The following LAMA5 variants were observed in gnomAD, a reference collection of about 807,000 sequenced individuals.
LAMA5 encodes the protein laminin subunit alpha 5.
Under a neutral mutation model 433.4 loss-of-function variants are expected in LAMA5, and 260 were observed. The observed-to-expected ratio is 0.60, with a 90% CI of 0.54 to 0.66. The LOEUF (loss-of-function observed/expected upper bound fraction) is 0.66, where lower values mean the gene tolerates loss of function less well. Ranked by LOEUF, LAMA5 falls within the 30% of genes least tolerant of loss-of-function variation. The pLI is 0.00. For synonymous variants in LAMA5, 2,620 were observed against 2,226.6 expected, an observed-to-expected ratio of 1.18 and a Z score of -4.97; for missense variants, 5,378 against 5,258.5, an observed-to-expected ratio of 1.02 and a Z score of -0.70.
intron 40 of LAMA5, 96 bp from the exon 41 acceptor site, chr20:62,325,642 G>T: frequency 1.3e-6 from 1 of 777,568 alleles, no homozygotes; most frequent in Non-Finnish European, 2.0e-6. Context: ...GGATGGAGGG[G>T]CACAAAGACC....
intron 40 of LAMA5, 189 bp downstream of exon 40, chr20:62,326,488 C>A: frequency 1.7e-6 from 1 of 577,204 alleles, no homozygotes; most frequent in Non-Finnish European, 3.1e-6. Flanking sequence ...GCATGACACC[C>A]CCCAGGGTGA....
intron 54 of LAMA5, 28 bp from the exon 55 acceptor site, chr20:62,317,527 A>G (rs1283925250): frequency 2.0e-6 from 3 of 1,531,128 alleles, no homozygotes; most frequent in African/African-American, 1.4e-5. Flanking sequence ...TTAGCCCCTC[A>G]TCCTGCTCAC....
At position 62,320,543 on chromosome 20, in the gene LAMA5, G is replaced by A; in HGVS notation, c.6759+16C>T. On this transcript the variant is annotated intron_variant, in intron 50 of 79. Transcript: ENST00000252999. ...TGAAAGCCTCCCGGGGCCCTGGGGG[G>A]TCTTGGGGCTCCTGCCTGGCCGCCT... 6.4e-7 allele frequency: 1 copy of A among 1,570,166 alleles called. No homozygotes were observed. The highest frequency in any genetic ancestry group is 8.6e-7 in the Non-Finnish European group (1 of 1,163,204).
chr20:62,333,199 G>T lies in LAMA5; in HGVS notation c.3173C>A (p.Ala1058Asp). Residue 1058 changes from alanine to aspartate, a missense_variant, in exon 26 of 80, where the codon GCC becomes GAC. Coordinates refer to ENST00000252999, the MANE Select transcript of LAMA5 (RefSeq NM_005560.6). ...GCGACACAGGGCCTCCAGCCCGGCGGCCGAGGGGAAGCCATCCAGGGGGAG... is the reference window on the plus strand; with the variant it reads ...GCGACACAGGGCCTCCAGCCCGGCGTCCGAGGGGAAGCCATCCAGGGGGAG... ...THLPLDGFPS[A>D]AGLEALCRQD... is the part of the protein sequence containing the mutation. The T allele has an allele frequency of 6.6e-7, 1 of 1,522,204 alleles. No homozygotes were observed. The allele number at this position is 1,522,204 out of a possible 1,614,324, so 94.3% of individuals were successfully genotyped here. A position where few individuals can be genotyped will look rare whatever the true frequency, so the allele number is the denominator to read the frequency against.
At chr20:62,322,606 A>G (rs964657460) in intron 46 of LAMA5, 52 bp downstream of exon 46, 2 of 1,456,326 alleles carry the variant, frequency 1.4e-6, no homozygotes, top group Non-Finnish European at 1.9e-6. Flanking sequence ...CCAGGCCCCA[A>G]CTCTAGTCCC....
rs981839940 is a variant in LAMA5 at position 62,334,871 on chromosome 20, A to AC, written c.2482+149dup. On this transcript the variant is annotated intron_variant, in intron 20 of 79. Transcript: ENST00000252999. ...GTGGGAGCTGCACCCCCTCTCCCAC[A>AC]CCCTGGCACAGGCTGGCACCAAGGG... is the stretch of plus-strand genomic sequence containing the variant. The AC allele has an allele frequency of 9.0e-5, 68 of 754,674 alleles. 1 individual carries two copies. The African/African-American group carries it at 9.4e-4, about 10-fold the overall frequency. The allele number at this position is 754,674 out of a possible 1,614,324, so 46.7% of individuals were successfully genotyped here.
intron 70 of LAMA5, 32 bp from the exon 71 acceptor site, chr20:62,311,816 T>TTGGCCCCC: frequency 1.4e-5 from 21 of 1,520,960 alleles, no homozygotes; most frequent in Non-Finnish European, 1.7e-5. Context: ...GCTCGGTTTT[T>TTGGCCCCC]CCCCACCCTG....
chr20:62,361,471 C>T (rs563511666), intron 2 of LAMA5, among the ~76,000 whole-genome samples: 11 of 152,162 alleles, frequency 7.2e-5, no homozygotes, highest in East Asian at 5.8e-4. Flanking sequence ...CCCTTGGGGC[C>T]GGCCCTCCAG....
chr20:62,365,737 G>T (rs1273632431), intron 1 of LAMA5, among the ~76,000 whole-genome samples: 1 of 152,190 alleles, frequency 6.6e-6, no homozygotes, highest in Non-Finnish European at 1.5e-5. Context: ...GTTCTGGCTG[G>T]GGGGCTCCAA....
chr20:62,358,597 T>C lies in LAMA5; in HGVS notation c.450+3803A>G, dbSNP rs780332426. On this transcript the variant is annotated intron_variant, in intron 2 of 79. Coordinates refer to ENST00000252999, the MANE Select transcript of LAMA5 (RefSeq NM_005560.6). Reference sequence around the variant, plus strand: ...GGCAGTCCTGAAGGGTGAGGCAGCCTGGGCGCGCTGGGCCTCCGGCAGGTC... The same window carrying C: ...GGCAGTCCTGAAGGGTGAGGCAGCCCGGGCGCGCTGGGCCTCCGGCAGGTC... 4.7e-4 allele frequency among the ~76,000 whole-genome samples: 72 copies of C among 152,274 alleles called. 1 individual carries two copies. The highest frequency in any genetic ancestry group is 5.9e-4 in the Non-Finnish European group (40 of 67,998).
intron 55 of LAMA5, 51 bp downstream of exon 55, chr20:62,317,289 GGCCCT>G: frequency 6.7e-7 from 1 of 1,493,562 alleles, no homozygotes; most frequent in Non-Finnish European, 8.9e-7. Flanking sequence ...GCCCTCCCAA[GGCCCT>G]GTCTGCATCC....
chr20:62,309,522 G>C, intron 79 of LAMA5, 47 bp from the exon 80 acceptor site: 1 of 1,521,158 alleles, frequency 6.6e-7, no homozygotes, highest in South Asian at 1.2e-5. Flanking sequence ...TGGGCAGCTA[G>C]AGACCCACAG....
rs1057043833 is a variant in LAMA5, at chr20:62,309,900, G to T, written c.10829-65C>A. 4.4e-6 allele frequency: 7 copies of T among 1,606,144 alleles called. No homozygotes were observed. In the African/African-American group the frequency reaches 9.4e-5, roughly 22 times the overall value. On this transcript the variant is annotated intron_variant, in intron 78 of 79. Coordinates refer to ENST00000252999, the MANE Select transcript of LAMA5 (RefSeq NM_005560.6). The stretch of plus-strand genomic sequence containing the variant: ...GCCCAGCCTCTCTCCAGCCCCAAAA[G>T]AAGCCACCCCACCCAGAGTCCCGCC...
In LAMA5 at chr20:62,325,328, C is replaced by T. The variant is rs1457362740; in HGVS notation, c.5517G>A (p.Gly1839=). ...ELCLCPASYR[G]DSCQECAPGF... ...GTCCTAACCTCACCTGGCATGAGTC[C>T]CCCCGGTAGCTGGCGGGGCACAGGC... Residue 1839 remains glycine, a synonymous_variant, in exon 41 of 80, where the codon GGG becomes GGA. Transcript: ENST00000252999. The T allele has an allele frequency of 3.8e-6, 6 of 1,586,144 alleles. No individual in the cohort carries two copies. The African/African-American group carries it at 4.0e-5, about 11-fold the overall frequency.
chr20:62,354,803 CCT>C (rs1984920638), intron 2 of LAMA5, among the ~76,000 whole-genome samples: 1 of 152,146 alleles, frequency 6.6e-6, no homozygotes, highest in Non-Finnish European at 1.5e-5. Context: ...GTCTCCAGGC[CCT>C]GTCACAAGCC....
Position 62,312,265 on chromosome 20 carries a change from A to G in LAMA5, c.9412T>C (p.Ser3138Pro), listed in dbSNP as rs959507107. ...TTGCCAGTGAGCGGTGCCACGTTCG[A>G]GAGCGCCAGGCGAAGGAAGCCGTGG... ...HGHGFLRLAL[S>P]NVAPLTGNVY... Residue 3138 changes from serine (S) to proline (P), a missense_variant, in exon 69 of 80, where the codon TCG (serine) becomes CCG (proline). By Grantham distance (74) the Ser-to-Pro change is moderately conservative. Transcript: ENST00000252999. The G allele has an allele frequency of 1.4e-5, 22 of 1,611,270 alleles. No homozygotes were observed. The highest frequency in any genetic ancestry group is 1.8e-5 in the Non-Finnish European group (21 of 1,179,516).
intron 2 of LAMA5, among the ~76,000 whole-genome samples, chr20:62,361,387 C>T (rs1017818722): frequency 7.2e-5 from 11 of 152,186 alleles, no homozygotes; most frequent in African/African-American, 2.7e-4. Flanking sequence ...ACTTTTGGAG[C>T]TTGAGCCCTC....
chr20:62,351,361 T>C lies in LAMA5; in HGVS notation c.956+343A>G, dbSNP rs769506740. On this transcript the variant is annotated intron_variant, in intron 6 of 79. Transcript: ENST00000252999. ...TGGAGTCGGGGATCAATCATCCCCA[T>C]TGCTGACTCCCCTCCACAGGGCCCC... 1.8e-3 allele frequency: 786 copies of C among 439,984 alleles called. 4 individuals carry two copies. Among genetic ancestry groups the C allele is most frequent in the Non-Finnish European group, 2.7e-3 (660 of 240,370 alleles). 27.3% of individuals were successfully genotyped at this position (439,984 alleles called of 1,614,324 possible).
Position 62,320,444 on chromosome 20 carries a change from C to T in LAMA5, c.6759+115G>A, listed in dbSNP as rs1987558192. 6 of 760,702 alleles carry T rather than the reference C, an allele frequency of 7.9e-6. No individual in the cohort carries two copies. In the Admixed American group the frequency reaches 1.1e-4, roughly 14 times the overall value. 47.1% of individuals were successfully genotyped at this position (760,702 alleles called of 1,614,324 possible). ...CCCTAAGACTCTCGAGCTCCTGTCC[C>T]CTGCACTGACACATGTACGAGGCAT... On this transcript the variant is annotated intron_variant, in intron 50 of 79. Coordinates refer to ENST00000252999, the MANE Select transcript of LAMA5 (RefSeq NM_005560.6).
Sources: allele counts gnomAD v4.1 joint callset (sites outside exome capture counted in the v4.1 genomes callset), GRCh38; gene constraint gnomAD v4.1.1; transcripts MANE v1.5; gene names NCBI Gene and HGNC (gene_info 2026-07-23, HGNC 2026-07-21).